The following ZNF493 variants were observed in gnomAD, a reference collection of about 807,000 sequenced individuals.
ZNF493 encodes zinc finger protein 493.
In ZNF493, 11 loss-of-function variants were observed where a neutral mutation model predicts 12.2. The observed-to-expected ratio is 0.90, with a 90% CI of 0.57 to 1.50. ZNF493 has a LOEUF of 1.50. Ranked by LOEUF, ZNF493 falls within the 40% of genes most tolerant of loss-of-function variation. The pLI, the probability that ZNF493 is intolerant of heterozygous loss-of-function variation, is 0.00. For synonymous variants in ZNF493, 286 were observed against 302.6 expected (o/e 0.95, Z 0.57); for missense variants, 950 against 906.6 (o/e 1.05, Z -0.61).
At chr19:21,400,044 G>C (rs1399702739) in intron 1 of ZNF493, among the ~76,000 whole-genome samples, 1 of 152,142 alleles carries the variant, frequency 6.6e-6, no homozygotes, top group Non-Finnish European at 1.5e-5. Context: ...ATGATTTTTA[G>C]TGGAATTAAT....
chr19:21,408,221 G>A, intron 3 of ZNF493: 2 of 825,672 alleles, frequency 2.4e-6, no homozygotes, highest in Non-Finnish European at 2.9e-6. Context: ...TGCCTCCCTA[G>A]TTCAAGCGAT....
At chr19:21,404,037 T>G (rs1006845677) in intron 1 of ZNF493, among the ~76,000 whole-genome samples, 2 of 152,152 alleles carry the variant, frequency 1.3e-5, no homozygotes, top group Non-Finnish European at 1.5e-5. Flanking sequence ...ACATGTAATG[T>G]TGTGGTTTCA....
At chr19:21,410,053 ATT>A (rs1491178966) in intron 3 of ZNF493, among the ~76,000 whole-genome samples, 14 of 67,518 alleles carry the variant, frequency 2.1e-4, no homozygotes, top group African/African-American at 8.5e-4. Context: ...ATAATATTTC[ATT>A]GTGTGTATAT....
Position 21,423,141 on chromosome 19 carries a change from A to C in ZNF493, c.482A>C (p.Lys161Thr). 6.2e-7 allele frequency: 1 copy of C among 1,613,602 alleles called. No homozygotes were observed. The highest frequency in any genetic ancestry group is 1.1e-5 in the South Asian group (1 of 90,994). ...ATATTTCAATGTGATAAATATGTGA[A>C]AGTCTTTCATAAACTTTTAAATTCA... ...SKIFQCDKYV[K>T]VFHKLLNSNR... Residue 161 changes from lysine (K) to threonine (T), a missense_variant, in exon 4 of 4, where the codon AAA becomes ACA. Coordinates refer to ENST00000392288, the MANE Select transcript of ZNF493 (RefSeq NM_001076678.3).
intron 3 of ZNF493, among the ~76,000 whole-genome samples, chr19:21,406,556 A>C (rs145343473): frequency 4.6e-5 from 7 of 152,276 alleles, no homozygotes; most frequent in African/African-American, 1.2e-4. Flanking sequence ...CATGATTTTG[A>C]GAAACTTTAT....
intron 3 of ZNF493, among the ~76,000 whole-genome samples, chr19:21,419,636 G>A (rs981938210): frequency 5.9e-5 from 9 of 152,056 alleles, no homozygotes; most frequent in Admixed American, 4.6e-4. Flanking sequence ...CCAGATTAAG[G>A]GTGGGTCTGC....
In ZNF493 at chr19:21,405,100, G is replaced by A. The variant is rs781193545; in HGVS notation, c.31-29G>A. ...TGCCCACGTGTAAATGTGTGTGTGT[G>A]TGTGTGTGTTTGTGTGTGTTTGTTT... is the stretch of plus-strand genomic sequence containing the variant. On this transcript the variant is annotated intron_variant, in intron 1 of 3. Transcript: ENST00000392288. 4.3e-6 allele frequency: 7 copies of A among 1,609,600 alleles called. No individual in the cohort carries two copies. In the South Asian group the frequency reaches 7.7e-5, roughly 18 times the overall value.
In ZNF493 at chr19:21,424,779, A is replaced by C. The variant is rs776458961; in HGVS notation, c.2120A>C (p.His707Pro). 1 of 1,613,340 alleles carries C rather than the reference A, an allele frequency of 6.2e-7. No individual in the cohort carries two copies. Among genetic ancestry groups the C allele is most frequent in the Admixed American group, 1.7e-5 (1 of 59,910 alleles). Residue 707 changes from histidine (H) to proline (P), a missense_variant, in exon 4 of 4, where the codon CAT becomes CCT. His to Pro is a moderately conservative substitution (Grantham distance 77). Transcript: ENST00000392288. The part of the protein sequence containing the change: ...FSNLNTHKII[H>P]TGEKPCKCEE... ...AACCTTAATACGCATAAGATAATTC[A>C]TACTGGAGAGAAACCTTGCAAATGT...
In ZNF493 at chr19:21,426,749, A is replaced by T. The variant is rs1177059070; in HGVS notation, c.*1765A>T. On this transcript the variant is annotated 3_prime_UTR_variant, in exon 4 of 4. Coordinates refer to ENST00000392288, the MANE Select transcript of ZNF493 (RefSeq NM_001076678.3). ...TTTTCAAAGGTGTAGTAAAAATAAAAAAAATTTTAATCCAAATTTGTCTAT... is the reference window on the plus strand; with the variant it reads ...TTTTCAAAGGTGTAGTAAAAATAAATAAAATTTTAATCCAAATTTGTCTAT... The T allele has an allele frequency of 3.0e-5, 5 of 167,024 alleles. No individual in the cohort carries two copies. The highest frequency in any genetic ancestry group is 1.2e-4 in the African/African-American group (5 of 41,462). 10.3% of individuals were successfully genotyped at this position (167,024 alleles called of 1,614,324 possible). A position where few individuals can be genotyped will look rare whatever the true frequency, so the allele number is the denominator to read the frequency against.
rs1292098144 is a variant in ZNF493, at chr19:21,424,776, T to C, written c.2117T>C (p.Ile706Thr). 8.7e-6 allele frequency: 14 copies of C among 1,613,204 alleles called. No individual in the cohort carries two copies. The highest frequency in any genetic ancestry group is 1.2e-5 in the Non-Finnish European group (14 of 1,179,568). ...RFSNLNTHKI[I>T]HTGEKPCKCE... ...TCAAACCTTAATACGCATAAGATAATTCATACTGGAGAGAAACCTTGCAAA... is the reference window on the plus strand; with the variant it reads ...TCAAACCTTAATACGCATAAGATAACTCATACTGGAGAGAAACCTTGCAAA... Residue 706 changes from isoleucine to threonine, a missense_variant, in exon 4 of 4, where the codon ATT (isoleucine) becomes ACT (threonine). Transcript: ENST00000392288.
intron 2 of ZNF493, 192 bp downstream of exon 2, chr19:21,405,447 C>A: frequency 7.1e-7 from 1 of 1,401,986 alleles, no homozygotes; most frequent in South Asian, 1.7e-5. Context: ...GATCTTTTTA[C>A]ATTTCTGAGC....
At position 21,423,953 on chromosome 19, in the gene ZNF493, C is replaced by T. The variant is rs779484869; in HGVS notation, c.1294C>T (p.Pro432Ser). 3.7e-6 allele frequency: 6 copies of T among 1,613,074 alleles called. No homozygotes were observed. The highest frequency in any genetic ancestry group is 3.3e-5 in the South Asian group (3 of 91,052). ...TAAAAGAATTCATACTGGAGAGAAACCCTACAAATGTGAAGAATGTGGCAA... is the reference window on the plus strand; with the variant it reads ...TAAAAGAATTCATACTGGAGAGAAATCCTACAAATGTGAAGAATGTGGCAA... Reference protein sequence around the residue: ...THKRIHTGEKPYKCEECGKTF... With the variant: ...THKRIHTGEKSYKCEECGKTF... Residue 432 changes from proline to serine, a missense_variant, in exon 4 of 4, where the codon CCC (proline) becomes TCC (serine). By Grantham distance (74) the Pro-to-Ser change is moderately conservative. Coordinates refer to ENST00000392288, the MANE Select transcript of ZNF493 (RefSeq NM_001076678.3).
rs398120883 is a variant in ZNF493, at chr19:21,422,480, T to TG, written c.254-432dup. ...ATTTATTTTTATAATTTTTTTTTTT[T>TG]GAGATGTATTCTCACTCTGTTCCCC... On this transcript the variant is annotated intron_variant, in intron 3 of 3. Transcript: ENST00000392288. 2.9e-3 allele frequency among the ~76,000 whole-genome samples: 437 copies of TG among 148,320 alleles called. 4 individuals are homozygous for TG. The highest frequency in any genetic ancestry group is 5.5e-3 in the Non-Finnish European group (368 of 67,204).
chr19:21,421,619 C>A (rs1161056428), intron 3 of ZNF493, among the ~76,000 whole-genome samples: 1 of 152,124 alleles, frequency 6.6e-6, no homozygotes, highest in Non-Finnish European at 1.5e-5. Context: ...CCCACCTCAG[C>A]CTCCCAAAGT....
Position 21,423,895 on chromosome 19 carries a change from A to G in ZNF493, c.1236A>G (p.Lys412=), listed in dbSNP as rs1353868241. The G allele has an allele frequency of 6.2e-7, 1 of 1,613,250 alleles. No homozygotes were observed. Among genetic ancestry groups the G allele is most frequent in the Admixed American group, 1.7e-5 (1 of 59,950 alleles). The change falls in exon 4 of 4, where the codon AAA becomes AAG. Residue 412 remains lysine (K), a synonymous_variant. Coordinates refer to ENST00000392288, the MANE Select transcript of ZNF493 (RefSeq NM_001076678.3). ...CCCACAGATGTGAAGAATGTGGCAA[A>G]GCTTATAAGGAGTCTTCACACCTTA... ...EKSHRCEECG[K]AYKESSHLTT... is the part of the protein sequence containing the mutation.
At chr19:21,398,682 G>A (rs1282435286) in intron 1 of ZNF493, 2 of 342,202 alleles carry the variant, frequency 5.8e-6, no homozygotes, top group African/African-American at 2.2e-5. Flanking sequence ...GGAATCTTCC[G>A]GTGTACTCTT....
intron 2 of ZNF493, chr19:21,405,487 G>T: frequency 1.5e-6 from 2 of 1,344,946 alleles, no homozygotes; most frequent in Non-Finnish European, 1.9e-6. Flanking sequence ...TACAGTAGTG[G>T]TAATTTCAGA....
rs1326376283 is a variant in ZNF493 at position 21,397,247 on chromosome 19, C to T, written c.10C>T (p.Pro4Ser). 2 of 1,614,038 alleles carry T rather than the reference C, an allele frequency of 1.2e-6. No homozygotes were observed. The highest frequency in any genetic ancestry group is 1.7e-6 in the Non-Finnish European group (2 of 1,180,000). Residue 4 changes from proline (P) to serine (S), a missense_variant, in exon 1 of 4, where the codon CCC becomes TCC. Transcript: ENST00000392288. MPGPPESLDMGPLT... is the reference protein window; with the variant it reads MPGSPESLDMGPLT... ...GAAATCCATAGCTAAGATGCCAGGA[C>T]CCCCTGAAAGCCTAGACATGGTGAG...
In ZNF493 at chr19:21,406,188, C is replaced by T. The variant is rs144351392; in HGVS notation, c.253+332C>T. ...AATGAGCCAAGATGGTGCCACTGCA[C>T]TCCAGCCTGGGGGACAAGAGTGAGA... is the stretch of plus-strand genomic sequence containing the variant. On this transcript the variant is annotated intron_variant, in intron 3 of 3. Coordinates refer to ENST00000392288, the MANE Select transcript of ZNF493 (RefSeq NM_001076678.3). Among the ~76,000 whole-genome samples the T allele has an allele frequency of 2.7e-3, 402 of 151,580 alleles. 1 individual carries two copies. The highest frequency in any genetic ancestry group is 9.4e-3 in the African/African-American group (388 of 41,300).
Sources: gnomAD v4.1 joint callset for allele counts (sites outside exome capture counted in the v4.1 genomes callset) on GRCh38, gnomAD v4.1.1 for gene constraint, MANE v1.5 for transcripts, NCBI Gene and HGNC (gene_info 2026-07-23, HGNC 2026-07-21) for gene names.